SH3GL3: variants seen among roughly 807,000 people sequenced by gnomAD.
SH3GL3 encodes endophilin-A3.
SH3GL3 carries 33 observed loss-of-function variants against 47.7 expected under a neutral mutation model. The observed-to-expected ratio is 0.69, with a 90% CI of 0.52 to 0.92. The LOEUF (loss-of-function observed/expected upper bound fraction) is 0.92, where lower values mean the gene tolerates loss of function less well. SH3GL3 is among the 40% of genes least tolerant of loss of function. The probability of loss-of-function intolerance (pLI) is 0.00; values close to 1 mark genes in which losing one functional copy is unlikely to be tolerated. For synonymous variants in SH3GL3, 155 were observed against 148.8 expected, an observed-to-expected ratio of 1.04 and a Z score of -0.30; for missense variants, 363 against 417.8, an observed-to-expected ratio of 0.87 and a Z score of 1.14.
At chr15:83,455,175 T>G (rs1429148512) in intron 1 of SH3GL3, among the ~76,000 whole-genome samples, 3 of 59,060 alleles carry the variant, frequency 5.1e-5, no homozygotes, top group Non-Finnish European at 9.9e-5. Flanking sequence ...TGCCGAGAGA[T>G]CCGCTGTTAG....
At chr15:83,568,451 A>T in intron 3 of SH3GL3, 78 bp from the exon 4 acceptor site, 1 of 1,215,942 alleles carries the variant, frequency 8.2e-7, no homozygotes, top group South Asian at 1.3e-5. Context: ...CAGTTTTGGC[A>T]GCTGCGTTTA....
At chr15:83,489,212 T>G (rs2041752094) in intron 1 of SH3GL3, 1 of 152,260 alleles carries the variant, frequency 6.6e-6, no homozygotes, top group Admixed American at 6.5e-5. Flanking sequence ...TTCTTGGGTT[T>G]GACTCTGGGA....
chr15:83,624,136 G>T, the SH3GL3 span, among the ~76,000 whole-genome samples: 2 of 152,124 alleles, frequency 1.3e-5, no homozygotes, highest in Non-Finnish European at 2.9e-5. Context: ...CCCTCAGTGT[G>T]GGCACTGCTT....
At chr15:83,471,697 A>G (rs1341203238) in intron 1 of SH3GL3, among the ~76,000 whole-genome samples, 1 of 152,174 alleles carries the variant, frequency 6.6e-6, no homozygotes, top group African/African-American at 2.4e-5. Flanking sequence ...CCTTTGCTCA[A>G]ATAAACTTGA....
chr15:83,627,396 C>CAAAAAAAAAAA, the SH3GL3 span, among the ~76,000 whole-genome samples: 1 of 75,350 alleles, frequency 1.3e-5, no homozygotes, highest in Non-Finnish European at 2.7e-5. Flanking sequence ...GATGCCGTCT[C>CAAAAAAAAAAA]AAAAAAAAAA....
Position 83,565,170 on chromosome 15 carries a change from C to A in SH3GL3, c.151C>A (p.Leu51Ile). ...DVTNKVVAEI[L>I]SKTTEYLQPN... ...TACCAATAAAGTTGTTGCAGAAATT[C>A]TTTCAAAAACCACTGAATATCTTCA... is the stretch of plus-strand genomic sequence containing the variant. The change falls in exon 3 of 9, where the codon CTT becomes ATT. Residue 51 changes from leucine to isoleucine, a missense_variant. Physicochemically the swap from Leu to Ile is conservative, Grantham distance 5. Transcript: ENST00000427482. 6.3e-7 allele frequency: 1 copy of A among 1,581,488 alleles called. No individual in the cohort carries two copies. Among genetic ancestry groups the A allele is most frequent in the Non-Finnish European group, 8.6e-7 (1 of 1,156,190 alleles).
chr15:83,490,293 C>T (rs1325872297), intron 1 of SH3GL3, among the ~76,000 whole-genome samples: 6 of 150,628 alleles, frequency 4.0e-5, no homozygotes, highest in African/African-American at 1.5e-4. Flanking sequence ...TCCGCTGACC[C>T]TCATTAGCAG....
At chr15:83,609,815 T>C (rs2060617044) in intron 8 of SH3GL3, among the ~76,000 whole-genome samples, 2 of 152,080 alleles carry the variant, frequency 1.3e-5, no homozygotes, top group Admixed American at 1.3e-4. Context: ...GGGTTAGAGA[T>C]GGAGCCCTGG....
chr15:83,614,935 A>G (rs1387849865), intron 8 of SH3GL3, among the ~76,000 whole-genome samples: 1 of 152,196 alleles, frequency 6.6e-6, no homozygotes, highest in Non-Finnish European at 1.5e-5. Flanking sequence ...AAATACCCCA[A>G]CGTACCTATT....
intron 8 of SH3GL3, among the ~76,000 whole-genome samples, chr15:83,602,495 G>T (rs548128793): frequency 1.3e-5 from 2 of 152,078 alleles, no homozygotes; most frequent in African/African-American, 4.8e-5. Flanking sequence ...GCTCCCACAG[G>T]TCCCTTTTAT....
chr15:83,576,840 T>C (rs1213693889), intron 6 of SH3GL3, 99 bp downstream of exon 6: 1 of 787,632 alleles, frequency 1.3e-6, no homozygotes, highest in Non-Finnish European at 1.9e-6. Flanking sequence ...AGCAGGAGTG[T>C]CCAATCTTTT....
intron 1 of SH3GL3, among the ~76,000 whole-genome samples, chr15:83,453,551 G>A (rs900147697): frequency 1.3e-5 from 2 of 151,500 alleles, no homozygotes; most frequent in Non-Finnish European, 2.9e-5. Flanking sequence ...TGTATGTGTC[G>A]AGGAATGTAT....
intron 8 of SH3GL3, among the ~76,000 whole-genome samples, chr15:83,602,782 C>G (rs1023557792): frequency 3.3e-5 from 5 of 152,132 alleles, no homozygotes; most frequent in African/African-American, 4.8e-5. Flanking sequence ...TGGTTCTGCT[C>G]TCTGGATTTT....
intron 1 of SH3GL3, among the ~76,000 whole-genome samples, chr15:83,527,213 G>A (rs913574881): frequency 2.6e-5 from 4 of 152,028 alleles, no homozygotes; most frequent in African/African-American, 9.7e-5. Flanking sequence ...GAAATGTTCT[G>A]TAAATGTCTG....
intron 8 of SH3GL3, among the ~76,000 whole-genome samples, chr15:83,614,329 T>C (rs2060754552): frequency 1.3e-5 from 2 of 152,034 alleles, no homozygotes; most frequent in South Asian, 2.1e-4. Flanking sequence ...TAGGCAGGGG[T>C]GGGGTCTGTC....
rs149642357 is a variant in SH3GL3, at chr15:83,448,406, A to G, written c.45+828A>G. Among the ~76,000 whole-genome samples, 30 of 151,100 alleles carry G rather than the reference A, an allele frequency of 2.0e-4. No homozygotes were observed. The East Asian group carries it at 5.9e-3, about 30-fold the overall frequency. ...ATAGGAGGAAAGCCGTTCTGAGCAGAGGAAACAGGAAAACAGGAGGGGAGA... is the reference window on the plus strand; with the variant it reads ...ATAGGAGGAAAGCCGTTCTGAGCAGGGGAAACAGGAAAACAGGAGGGGAGA... On this transcript the variant is annotated intron_variant, in intron 1 of 8. Transcript: ENST00000427482. The surrounding 1 kb of genome is among the most constrained non-coding windows in gnomAD (Gnocchi z 4.2).
chr15:83,529,719 G>A (rs1037806704), intron 1 of SH3GL3, among the ~76,000 whole-genome samples: 12 of 151,202 alleles, frequency 7.9e-5, no homozygotes, highest in African/African-American at 2.4e-4. Flanking sequence ...AGTGGGTGGG[G>A]CGGGGGTGGG....
intron 1 of SH3GL3, among the ~76,000 whole-genome samples, chr15:83,495,851 A>C (rs1257498287): frequency 6.6e-6 from 1 of 152,170 alleles, no homozygotes; most frequent in Non-Finnish European, 1.5e-5. Flanking sequence ...AAATTTGTAC[A>C]TCAAAGGATT....
chr15:83,470,741 G>T (rs2040793056), intron 1 of SH3GL3, among the ~76,000 whole-genome samples: 1 of 152,098 alleles, frequency 6.6e-6, no homozygotes, highest in South Asian at 2.1e-4. Context: ...TGTGTTAGGT[G>T]AAATTTTTTA....
Sources: gnomAD v4.1 joint callset for allele counts (sites outside exome capture counted in the v4.1 genomes callset) on GRCh38, gnomAD v4.1.1 for gene constraint, Gnocchi (gnomAD v3.1) non-coding constraint, MANE v1.5 for transcripts, NCBI Gene and HGNC (gene_info 2026-07-23, HGNC 2026-07-21) for gene names.